Variants in METAP1D observed in about 807,000 individuals in gnomAD.
METAP1D encodes the protein methionine aminopeptidase 1D, mitochondrial.
Under a neutral mutation model 40.5 loss-of-function variants are expected in METAP1D, and 31 were observed. The ratio of observed to expected loss-of-function variants is 0.77; its 90% CI spans 0.58 to 1.03. The LOEUF is 1.03. Among genes scored for constraint, METAP1D ranks in the 50% least tolerant of loss-of-function variants. METAP1D has a pLI of 0.00. For synonymous variants in METAP1D, 151 were observed against 146.4 expected (o/e 1.03, Z -0.22); for missense variants, 411 against 420.7 (o/e 0.98, Z 0.20).
At chr2:172,050,237 T>G (rs936570818) in intron 1 of METAP1D, among the ~76,000 whole-genome samples, 1 of 152,222 alleles carries the variant, frequency 6.6e-6, no homozygotes, top group Admixed American at 6.5e-5. Context: ...AAAATCATGC[T>G]CTTTTCAAAT....
intron 1 of METAP1D, among the ~76,000 whole-genome samples, chr2:172,020,528 T>G (rs978273690): frequency 1.3e-5 from 2 of 152,244 alleles, no homozygotes; most frequent in Admixed American, 1.3e-4. Flanking sequence ...TAACAGTGTT[T>G]GCACAATGTG....
At chr2:172,039,317 GACCCAT>G (rs1267817931) in intron 1 of METAP1D, among the ~76,000 whole-genome samples, 1 of 152,140 alleles carries the variant, frequency 6.6e-6, no homozygotes, top group Non-Finnish European at 1.5e-5. Flanking sequence ...TAAGTGTCCA[GACCCAT>G]ACTCTTGTGC....
chr2:172,005,546 C>CTATCT (rs1553489220), intron 1 of METAP1D, among the ~76,000 whole-genome samples: 8 of 74,920 alleles, frequency 1.1e-4, no homozygotes, highest in South Asian at 6.2e-4. Flanking sequence ...ATATATATAT[C>CTATCT]TTTTTTTTTT....
Position 172,080,630 on chromosome 2 carries a change from G to C in METAP1D, c.*224G>C, listed in dbSNP as rs1286623971. The C allele has an allele frequency of 1.7e-6, 1 of 604,716 alleles. No homozygotes were observed. Among genetic ancestry groups the C allele is most frequent in the Non-Finnish European group, 2.9e-6 (1 of 341,982 alleles). The allele number at this position is 604,716 out of a possible 1,614,324, so 37.5% of individuals were successfully genotyped here. A position where few individuals can be genotyped will look rare whatever the true frequency, so the allele number is the denominator to read the frequency against. ...CTTTGGAAAAACAAATCCTGGCCCT[G>C]GACTCGGTTTCCCAGCGCGGTCAAC... On this transcript the variant is annotated 3_prime_UTR_variant, in exon 10 of 10. Transcript: ENST00000315796.
intron 1 of METAP1D, among the ~76,000 whole-genome samples, chr2:172,010,493 CTTTT>C (rs759651661): frequency 1.1e-5 from 1 of 88,966 alleles, no homozygotes; most frequent in Non-Finnish European, 2.0e-5. Context: ...CTTCTTTCCT[CTTTT>C]TTTTTTTTTT....
chr2:172,075,044 T>G (rs1197628054), intron 6 of METAP1D, among the ~76,000 whole-genome samples: 1 of 152,176 alleles, frequency 6.6e-6, no homozygotes, highest in Non-Finnish European at 1.5e-5. Context: ...TGAAAAGGAA[T>G]TAAACTGAAG....
rs191386984 is a variant in METAP1D, at chr2:172,062,350, C to A, written c.198+695C>A. Among the ~76,000 whole-genome samples the A allele has an allele frequency of 1.4e-3, 210 of 152,300 alleles. 1 individual carries two copies. The highest frequency in any genetic ancestry group is 1.2e-3 in the Non-Finnish European group (82 of 68,018). ...ATGTTATACTTCTGAAGGTGAGTGG[C>A]CCACTTTTATGGCAAAGGCCAGTGA... On this transcript the variant is annotated intron_variant, in intron 2 of 9. Coordinates refer to ENST00000315796, the MANE Select transcript of METAP1D (RefSeq NM_199227.3).
At position 172,080,371 on chromosome 2, in the gene METAP1D, G is replaced by C. The variant is rs767523663; in HGVS notation, c.973G>C (p.Ala325Pro). The change falls in exon 10 of 10, where the codon GCG becomes CCG. Residue 325 changes from alanine to proline, a missense_variant. Transcript: ENST00000315796. ...EHTVLITSRG[A>P]QILTKLPHEA ...CACGGTTCTGATCACGTCGAGGGGC[G>C]CGCAGATCCTGACCAAACTACCCCA... 11 of 1,613,940 alleles carry C rather than the reference G, an allele frequency of 6.8e-6. No individual in the cohort carries two copies. In the South Asian group the frequency reaches 1.1e-4, roughly 16 times the overall value.
At chr2:172,071,607 G>A (rs774279325) in intron 6 of METAP1D, among the ~76,000 whole-genome samples, 3 of 152,164 alleles carry the variant, frequency 2.0e-5, no homozygotes, top group Non-Finnish European at 4.4e-5. Flanking sequence ...CCTGTAAACC[G>A]TTGTTTATTT....
chr2:172,017,613 A>G (rs1402446393), intron 1 of METAP1D, among the ~76,000 whole-genome samples: 1 of 151,978 alleles, frequency 6.6e-6, no homozygotes, highest in African/African-American at 2.4e-5. Context: ...AGGAATATGG[A>G]CAAAAATGTG....
At chr2:172,030,072 A>G (rs1689203319) in intron 1 of METAP1D, among the ~76,000 whole-genome samples, 1 of 141,392 alleles carries the variant, frequency 7.1e-6, no homozygotes, top group Admixed American at 7.4e-5. Context: ...CCTACATTTT[A>G]TTTTATTTTA....
At chr2:172,043,054 T>C (rs894054832) in intron 1 of METAP1D, among the ~76,000 whole-genome samples, 4 of 118,110 alleles carry the variant, frequency 3.4e-5, no homozygotes, top group African/African-American at 1.1e-4. Flanking sequence ...TGTACACATA[T>C]ATGTGTATAT....
At chr2:172,057,707 C>T (rs776657551) in intron 1 of METAP1D, among the ~76,000 whole-genome samples, 1 of 152,284 alleles carries the variant, frequency 6.6e-6, no homozygotes, top group South Asian at 2.1e-4. Context: ...GCAACTTAGC[C>T]TGCTTTCCCT....
At position 172,079,282 on chromosome 2, in the gene METAP1D, CGAGT is replaced by C. The variant is rs753237382; in HGVS notation, c.850+26_850+29del. On this transcript the variant is annotated intron_variant, in intron 8 of 9. Coordinates refer to ENST00000315796, the MANE Select transcript of METAP1D (RefSeq NM_199227.3). ...CTATAGGTAAATTGAGCTCCTCTTC[CGAGT>C]GAGTGCGTAGCTCCTGGTGGAAGCT... 3 of 1,613,364 alleles carry C rather than the reference CGAGT, an allele frequency of 1.9e-6. No homozygotes were observed. The highest frequency in any genetic ancestry group is 1.1e-5 in the South Asian group (1 of 91,072).
chr2:172,002,369 G>A (rs1041033552), intron 1 of METAP1D, among the ~76,000 whole-genome samples: 8 of 152,040 alleles, frequency 5.3e-5, no homozygotes, highest in Non-Finnish European at 1.2e-4. Context: ...TGATTACTTT[G>A]CACCAACTGT....
chr2:172,019,718 C>G (rs930764941), intron 1 of METAP1D, among the ~76,000 whole-genome samples: 2 of 152,140 alleles, frequency 1.3e-5, no homozygotes, highest in South Asian at 4.1e-4. Flanking sequence ...ATTGTGCATG[C>G]CACTAATCTT....
At chr2:172,064,622 A>C (rs1690209210) in intron 3 of METAP1D, among the ~76,000 whole-genome samples, 1 of 140,160 alleles carries the variant, frequency 7.1e-6, no homozygotes, top group Non-Finnish European at 1.6e-5. Context: ...TCCATCTCAA[A>C]AAAAAAAAAA....
chr2:172,014,426 A>G (rs1688804949), intron 1 of METAP1D, among the ~76,000 whole-genome samples: 1 of 151,942 alleles, frequency 6.6e-6, no homozygotes, highest in Admixed American at 6.6e-5. Flanking sequence ...ATTTATTATT[A>G]TAAAAACACA....
chr2:172,024,713 A>G (rs1203399034), intron 1 of METAP1D, among the ~76,000 whole-genome samples: 1 of 151,542 alleles, frequency 6.6e-6, no homozygotes, highest in Non-Finnish European at 1.5e-5. Flanking sequence ...TATTTCTTAC[A>G]TCCTGATAAA....
Sources: gnomAD v4.1 joint callset for allele counts (sites outside exome capture counted in the v4.1 genomes callset) on GRCh38, gnomAD v4.1.1 for gene constraint, MANE v1.5 for transcripts, NCBI Gene and HGNC (gene_info 2026-07-23, HGNC 2026-07-21) for gene names.